The following AGBL4 variants were observed in gnomAD, a reference collection of about 807,000 sequenced individuals.
The protein encoded by AGBL4 is cytosolic carboxypeptidase 6.
A neutral mutation model predicts 66.4 loss-of-function variants in AGBL4; 58 were observed. That is an observed-to-expected ratio of 0.87 (90% CI 0.71 to 1.09). The LOEUF is 1.09. Ranked by LOEUF, AGBL4 falls within the 50% of genes least tolerant of loss-of-function variation. The probability of loss-of-function intolerance (pLI) is 0.00; values close to 1 mark genes in which losing one functional copy is unlikely to be tolerated. For synonymous variants in AGBL4, 234 were observed against 222.9 expected, an observed-to-expected ratio of 1.05 and a Z score of -0.44; for missense variants, 579 against 631.0, an observed-to-expected ratio of 0.92 and a Z score of 0.88.
chr1:48,775,459 T>C lies in AGBL4; in HGVS notation c.634+91732A>G, dbSNP rs72904875. ...AAAAAAATAGAGAAGGTCTCAAAAT[T>C]ACAAAACATCTTCATTCAGTCACTA... On this transcript the variant is annotated intron_variant, in intron 6 of 13. Coordinates refer to ENST00000371839, the MANE Select transcript of AGBL4 (RefSeq NM_032785.4). Among the ~76,000 whole-genome samples, 402 of 152,218 alleles carry C rather than the reference T, an allele frequency of 2.6e-3. 1 individual carries two copies. Among genetic ancestry groups the C allele is most frequent in the African/African-American group, 8.6e-3 (357 of 41,544 alleles).
At chr1:48,718,912 G>A (rs946783629) in intron 6 of AGBL4, among the ~76,000 whole-genome samples, 30 of 152,174 alleles carry the variant, frequency 2.0e-4, no homozygotes, top group East Asian at 1.9e-4. Context: ...AGTGAGCTCC[G>A]ACTACATACC....
chr1:48,885,738 T>C (rs533725076), intron 5 of AGBL4, among the ~76,000 whole-genome samples: 1 of 152,058 alleles, frequency 6.6e-6, no homozygotes, highest in Non-Finnish European at 1.5e-5. Flanking sequence ...CCATCATGGG[T>C]GCCTAGAGGC....
chr1:48,891,499 T>A (rs960944668), intron 5 of AGBL4, among the ~76,000 whole-genome samples: 1 of 152,192 alleles, frequency 6.6e-6, no homozygotes, highest in Non-Finnish European at 1.5e-5. Context: ...GCCCCCAGTC[T>A]GATGGAGGGC....
intron 5 of AGBL4, among the ~76,000 whole-genome samples, chr1:48,909,819 A>G (rs7519393): frequency 0.1 from 15,654 of 152,230 alleles, 1,208 homozygotes; most frequent in African/African-American, 0.2. Flanking sequence ...AGGAATTGAA[A>G]GCATATATAG....
chr1:49,732,571 G>C (rs778910246), intron 2 of AGBL4, among the ~76,000 whole-genome samples: 1 of 151,880 alleles, frequency 6.6e-6, no homozygotes, highest in Non-Finnish European at 1.5e-5. Context: ...GTCCCAAAAA[G>C]GATACAGAAA....
intron 1 of AGBL4, among the ~76,000 whole-genome samples, chr1:49,920,532 C>A: frequency 6.6e-6 from 1 of 152,102 alleles, no homozygotes; most frequent in East Asian, 1.9e-4. Context: ...AAATCAAAAC[C>A]ACAGTGAGAT....
intron 2 of AGBL4, among the ~76,000 whole-genome samples, chr1:49,755,098 A>G (rs1651791680): frequency 6.6e-6 from 1 of 152,220 alleles, no homozygotes; most frequent in African/African-American, 2.4e-5. Context: ...GTTTAAACAA[A>G]TGCCTGGGTA....
chr1:49,045,474 C>A, intron 5 of AGBL4, 110 bp downstream of exon 5: 1 of 794,338 alleles, frequency 1.3e-6, no homozygotes, highest in East Asian at 2.7e-5. Context: ...ATTAAAAGTT[C>A]TGGAAAGCAC....
rs1553166391 is a variant in AGBL4 at position 49,207,533 on chromosome 1, T to TTC, written c.377+38236_377+38237insGA. Among the ~76,000 whole-genome samples, 187 of 118,048 alleles carry TTC rather than the reference T, an allele frequency of 1.6e-3. 1 individual carries two copies. The highest frequency in any genetic ancestry group is 2.6e-3 in the African/African-American group (87 of 33,406). The allele number at this position is 118,048 out of a possible 152,430, so 77.4% of individuals were successfully genotyped here. A position where few individuals can be genotyped will look rare whatever the true frequency, so the allele number is the denominator to read the frequency against. ...TTTCTTTCTTTCTTTCTCTCTTTCT[T>TTC]TTTCTTTCTTTTCTTTCTTTCTTTC... On this transcript the variant is annotated intron_variant, in intron 4 of 13. Coordinates refer to ENST00000371839, the MANE Select transcript of AGBL4 (RefSeq NM_032785.4).
intron 3 of AGBL4, among the ~76,000 whole-genome samples, chr1:49,288,257 T>C (rs574446694): frequency 1.3e-4 from 19 of 149,050 alleles, no homozygotes; most frequent in African/African-American, 4.4e-4. Flanking sequence ...GAGATATACC[T>C]AATGCTTGAT....
At chr1:48,652,486 G>A (rs553426541) in intron 8 of AGBL4, among the ~76,000 whole-genome samples, 1 of 152,272 alleles carries the variant, frequency 6.6e-6, no homozygotes, top group East Asian at 1.9e-4. Flanking sequence ...GAGAGGAGGA[G>A]GTGAGGCAGG....
intron 6 of AGBL4, among the ~76,000 whole-genome samples, chr1:48,752,169 G>C (rs1651847766): frequency 6.6e-6 from 1 of 152,088 alleles, no homozygotes; most frequent in Admixed American, 6.5e-5. Flanking sequence ...AGACAAAATG[G>C]CTCTTGTCCA....
intron 5 of AGBL4, among the ~76,000 whole-genome samples, chr1:48,895,859 G>T (rs566904809): frequency 2.6e-5 from 4 of 152,316 alleles, no homozygotes; most frequent in African/African-American, 9.6e-5. Context: ...CAGTGGCAGT[G>T]CAACTAGCTT....
intron 3 of AGBL4, among the ~76,000 whole-genome samples, chr1:49,294,733 C>T (rs1644606626): frequency 6.6e-6 from 1 of 152,204 alleles, no homozygotes; most frequent in South Asian, 2.1e-4. Context: ...CCTCCTCTGC[C>T]AGCCTGGTTC....
At chr1:48,904,812 G>A (rs1652426437) in intron 5 of AGBL4, among the ~76,000 whole-genome samples, 1 of 152,146 alleles carries the variant, frequency 6.6e-6, no homozygotes, top group Admixed American at 6.5e-5. Flanking sequence ...GAAGAAACAT[G>A]TAATTACCAA....
intron 6 of AGBL4, among the ~76,000 whole-genome samples, chr1:48,678,448 T>A (rs1646402366): frequency 6.6e-6 from 1 of 152,164 alleles, no homozygotes; most frequent in Admixed American, 6.5e-5. Context: ...TCTTGAGAAT[T>A]TCCCCGGAAC....
intron 2 of AGBL4, chr1:49,844,775 A>G: frequency 6.3e-7 from 1 of 1,584,624 alleles, no homozygotes; most frequent in South Asian, 1.1e-5. Context: ...ATCTTGGTAG[A>G]AAGATTCCTC....
At chr1:48,784,803 T>C (rs1251252473) in intron 6 of AGBL4, among the ~76,000 whole-genome samples, 2 of 152,136 alleles carry the variant, frequency 1.3e-5, no homozygotes, top group East Asian at 3.8e-4. Flanking sequence ...ATCCCAGCAT[T>C]TTACTAGTAG....
At chr1:49,329,454 T>C (rs1167362737) in intron 3 of AGBL4, among the ~76,000 whole-genome samples, 1 of 151,970 alleles carries the variant, frequency 6.6e-6, no homozygotes, top group African/African-American at 2.4e-5. Context: ...TTGCTTGAGA[T>C]CAGGAGTTCG....
Sources: gnomAD v4.1 joint callset for allele counts (sites outside exome capture counted in the v4.1 genomes callset) on GRCh38, gnomAD v4.1.1 for gene constraint, MANE v1.5 for transcripts, NCBI Gene and HGNC (gene_info 2026-07-23, HGNC 2026-07-21) for gene names.